The following CSRNP3 variants were observed in gnomAD, a reference collection of about 807,000 sequenced individuals.
The protein encoded by CSRNP3 is cysteine/serine-rich nuclear protein 3.
In CSRNP3, 12 loss-of-function variants were observed where a neutral mutation model predicts 48.0. The observed-to-expected ratio is 0.25, with a 90% confidence interval of 0.16 to 0.41. The LOEUF is 0.41. Ranked by LOEUF, CSRNP3 falls within the 10% of genes least tolerant of loss-of-function variation. The pLI, the probability that CSRNP3 is intolerant of heterozygous loss-of-function variation, is 1.00. For synonymous variants in CSRNP3, 263 were observed against 269.7 expected (o/e 0.98, Z 0.24); for missense variants, 580 against 724.4 (o/e 0.80, Z 2.29).
intron 2 of CSRNP3, among the ~76,000 whole-genome samples, chr2:165,507,891 A>T (rs1451574549): frequency 6.6e-6 from 1 of 152,124 alleles, no homozygotes; most frequent in Non-Finnish European, 1.5e-5. Flanking sequence ...ATTTTTTAAG[A>T]GAATAAAACT....
intron 1 of CSRNP3, among the ~76,000 whole-genome samples, chr2:165,471,285 A>G (rs1338446787): frequency 6.6e-6 from 1 of 152,008 alleles, no homozygotes; most frequent in African/African-American, 2.4e-5. Flanking sequence ...AAATTTTGGC[A>G]TGTTTCTAAT....
At chr2:165,508,141 A>G (rs1043391855) in intron 2 of CSRNP3, among the ~76,000 whole-genome samples, 2 of 152,166 alleles carry the variant, frequency 1.3e-5, no homozygotes, top group Admixed American at 1.3e-4. Flanking sequence ...TCTGCAGCTG[A>G]ACATGAAAGT....
At chr2:165,506,691 A>G (rs1030644729) in intron 2 of CSRNP3, among the ~76,000 whole-genome samples, 1 of 152,136 alleles carries the variant, frequency 6.6e-6, no homozygotes, top group Admixed American at 6.6e-5. Flanking sequence ...CAGCTCCCTC[A>G]AAACCATTGT....
At chr2:165,514,511 C>T (rs1001015524) in intron 2 of CSRNP3, among the ~76,000 whole-genome samples, 1 of 152,244 alleles carries the variant, frequency 6.6e-6, no homozygotes, top group East Asian at 1.9e-4. Flanking sequence ...AATTCTGTCT[C>T]TCACATGTGT....
At chr2:165,503,884 T>C (rs1684390618) in intron 2 of CSRNP3, among the ~76,000 whole-genome samples, 1 of 151,968 alleles carries the variant, frequency 6.6e-6, no homozygotes, top group African/African-American at 2.4e-5. Context: ...AATTTAGTCA[T>C]AGGATATACT....
At chr2:165,598,282 A>G (rs1289007834) in intron 4 of CSRNP3, among the ~76,000 whole-genome samples, 2 of 152,164 alleles carry the variant, frequency 1.3e-5, no homozygotes, top group Non-Finnish European at 2.9e-5. Flanking sequence ...TGAAATAATG[A>G]TAAGTAAGAA....
At chr2:165,660,464 G>C (rs887806794) in intron 5 of CSRNP3, among the ~76,000 whole-genome samples, 3 of 152,144 alleles carry the variant, frequency 2.0e-5, no homozygotes, top group Non-Finnish European at 4.4e-5. Context: ...CCTTTGGGGA[G>C]TCATCCTCTC....
chr2:165,568,864 A>T (rs1239440210), intron 3 of CSRNP3, among the ~76,000 whole-genome samples: 1 of 152,040 alleles, frequency 6.6e-6, no homozygotes, highest in Non-Finnish European at 1.5e-5. Flanking sequence ...TTACAATTTG[A>T]CATTTGATAA....
chr2:165,657,658 G>C, intron 4 of CSRNP3, 103 bp from the exon 5 acceptor site: 1 of 1,396,270 alleles, frequency 7.2e-7, no homozygotes, highest in Non-Finnish European at 1.0e-6. Context: ...TAGCCAACAA[G>C]GGTTGGCCAC....
At chr2:165,649,274 G>T (rs1308946129) in intron 4 of CSRNP3, among the ~76,000 whole-genome samples, 1 of 152,156 alleles carries the variant, frequency 6.6e-6, no homozygotes, top group Non-Finnish European at 1.5e-5. Context: ...TTAAACAAAA[G>T]AGTCTTGTCT....
chr2:165,517,256 C>G (rs1274462952), intron 2 of CSRNP3, among the ~76,000 whole-genome samples: 2 of 151,916 alleles, frequency 1.3e-5, no homozygotes, highest in African/African-American at 4.8e-5. Context: ...CTAATCACTT[C>G]TAATTACGGC....
chr2:165,586,219 GTTTGGTAAATTCATGATTCACC>G (rs1383876129), intron 3 of CSRNP3, among the ~76,000 whole-genome samples: 12 of 152,200 alleles, frequency 7.9e-5, no homozygotes, highest in East Asian at 5.8e-4. Context: ...TTTTCAGATT[GTTTGGTAAATTCATGATTCACC>G]TTTGGTAAAT....
intron 2 of CSRNP3, among the ~76,000 whole-genome samples, chr2:165,513,264 G>A (rs1473077740): frequency 6.6e-6 from 1 of 152,178 alleles, no homozygotes; most frequent in Non-Finnish European, 1.5e-5. Flanking sequence ...TGTATTTTGA[G>A]ATGCAATTGC....
chr2:165,622,624 G>T (rs1306246245), intron 4 of CSRNP3, among the ~76,000 whole-genome samples: 1 of 152,140 alleles, frequency 6.6e-6, no homozygotes, highest in Non-Finnish European at 1.5e-5. Flanking sequence ...TCTTGTGTTT[G>T]AAGTTGGCTA....
chr2:165,615,496 T>C (rs1432564412), intron 4 of CSRNP3, among the ~76,000 whole-genome samples: 4 of 151,518 alleles, frequency 2.6e-5, no homozygotes, highest in Non-Finnish European at 5.9e-5. Context: ...TGAGCCAAGA[T>C]TGCGCCACTG....
rs113706188 is a variant in CSRNP3, at chr2:165,519,571, A to G, written c.-24+1610A>G. ...AAATAGTAAACTTCTTATTTGAAAA[A>G]TCAGTGAAGAGATCCCTTGCCTCAT... is the stretch of plus-strand genomic sequence containing the variant. On this transcript the variant is annotated intron_variant, in intron 3 of 6. Transcript: ENST00000651982. 1.2e-4 allele frequency among the ~76,000 whole-genome samples: 18 copies of G among 152,316 alleles called. 2 individuals are homozygous for G. The highest frequency in any genetic ancestry group is 3.8e-4 in the African/African-American group (16 of 41,586).
rs1687033139 is a variant in CSRNP3 at position 165,657,931 on chromosome 2, G to C, written c.319G>C (p.Gly107Arg). The C allele has an allele frequency of 6.2e-7, 1 of 1,613,986 alleles. No individual in the cohort carries two copies. The highest frequency in any genetic ancestry group is 1.3e-5 in the African/African-American group (1 of 74,924). ...TAACAGCGTGCGCCAGTACACTCTT[G>C]GCGAGTTTGCAAGGGAGCAGGAGAG... The part of the protein sequence containing the change: ...RHNSVRQYTL[G>R]EFAREQERLH... Residue 107 changes from glycine (G) to arginine (R), a missense_variant, in exon 5 of 7, where the codon GGC (glycine) becomes CGC (arginine). Gly to Arg is a moderately radical substitution (Grantham distance 125). This residue lies in a region of CSRNP3 where 83 missense variants were observed against 139.6 expected (regional missense o/e 0.59). Transcript: ENST00000651982.
intron 1 of CSRNP3, among the ~76,000 whole-genome samples, chr2:165,473,258 C>G (rs1185075362): frequency 1.3e-5 from 2 of 152,086 alleles, no homozygotes; most frequent in Non-Finnish European, 2.9e-5. Context: ...TTCATGGCCT[C>G]TTAAAGTCTC....
At chr2:165,513,953 A>G (rs1008546246) in intron 2 of CSRNP3, among the ~76,000 whole-genome samples, 2 of 152,246 alleles carry the variant, frequency 1.3e-5, no homozygotes, top group Non-Finnish European at 2.9e-5. Context: ...AGCCCCAAAT[A>G]TTAGAAAGGA....
Sources: allele counts gnomAD v4.1 joint callset (sites outside exome capture counted in the v4.1 genomes callset), GRCh38; gene constraint gnomAD v4.1.1; regional missense constraint gnomAD v4.1.1; transcripts MANE v1.5; gene names NCBI Gene and HGNC (gene_info 2026-07-23, HGNC 2026-07-21).